Variants in KIF16B observed in about 807,000 individuals in gnomAD.
The protein encoded by KIF16B is kinesin family member 16B, also known as kinesin-like protein KIF16B.
In KIF16B, 98 loss-of-function variants were observed where a neutral mutation model predicts 156.3. The observed-to-expected ratio is 0.63, with a 90% CI of 0.53 to 0.74. The LOEUF (loss-of-function observed/expected upper bound fraction) is 0.74. KIF16B is among the 30% of genes least tolerant of loss of function. KIF16B has a pLI of 0.00. For missense variants in KIF16B, 1,421 were observed against 1,606.5 expected (o/e 0.88, Z 1.97); for synonymous variants, 564 against 583.7 (o/e 0.97, Z 0.49).
chr20:16,349,389 A>C (rs1365101716), intron 23 of KIF16B, among the ~76,000 whole-genome samples: 1 of 152,154 alleles, frequency 6.6e-6, no homozygotes, highest in Non-Finnish European at 1.5e-5. Context: ...CCATGTCATC[A>C]AGGTGATTTT....
At chr20:16,339,904 T>TA (rs1268746576) in intron 23 of KIF16B, among the ~76,000 whole-genome samples, 6 of 152,204 alleles carry the variant, frequency 3.9e-5, no homozygotes, top group African/African-American at 1.4e-4. Context: ...GCTTATAGTC[T>TA]TGCCTCCTTC....
chr20:16,411,642 G>A (rs1212133832), intron 15 of KIF16B, among the ~76,000 whole-genome samples: 1 of 152,068 alleles, frequency 6.6e-6, no homozygotes, highest in Non-Finnish European at 1.5e-5. Flanking sequence ...GTATCATGGG[G>A]AACATACTAT....
intron 22 of KIF16B, among the ~76,000 whole-genome samples, chr20:16,359,883 T>C (rs2064519115): frequency 6.6e-6 from 1 of 152,106 alleles, no homozygotes; most frequent in Non-Finnish European, 1.5e-5. Flanking sequence ...ACAGGATCCT[T>C]TGCAGAGAAG....
chr20:16,569,034 T>C (rs2071364919), intron 1 of KIF16B, among the ~76,000 whole-genome samples: 1 of 151,910 alleles, frequency 6.6e-6, no homozygotes, highest in South Asian at 2.1e-4. Context: ...GTGAATGGGA[T>C]TAGTACCCTT....
At chr20:16,538,481 AT>A (rs1319838152) in intron 1 of KIF16B, among the ~76,000 whole-genome samples, 3 of 152,202 alleles carry the variant, frequency 2.0e-5, no homozygotes, top group African/African-American at 7.2e-5. Context: ...CGAAAAGCCA[AT>A]TATGGGTCCT....
intron 25 of KIF16B, among the ~76,000 whole-genome samples, chr20:16,310,422 C>T (rs2063602102): frequency 6.6e-6 from 1 of 152,156 alleles, no homozygotes; most frequent in Admixed American, 6.5e-5. Flanking sequence ...GAATGGAAAA[C>T]CAAGGGTACC....
intron 12 of KIF16B, among the ~76,000 whole-genome samples, chr20:16,439,471 A>T (rs2066735431): frequency 6.6e-6 from 1 of 152,066 alleles, no homozygotes; most frequent in Non-Finnish European, 1.5e-5. Context: ...TTTCTACCTG[A>T]CAATCACAGC....
chr20:16,472,660 G>A (rs1267499680), intron 12 of KIF16B, among the ~76,000 whole-genome samples: 2 of 150,958 alleles, frequency 1.3e-5, no homozygotes, highest in African/African-American at 4.9e-5. Flanking sequence ...CATTATCATT[G>A]ATATCACAGC....
chr20:16,388,482 C>A (rs981335535), intron 17 of KIF16B, among the ~76,000 whole-genome samples: 2 of 152,070 alleles, frequency 1.3e-5, no homozygotes, highest in Non-Finnish European at 2.9e-5. Context: ...ATTATCATGG[C>A]CCCCCATTCT....
chr20:16,285,355 TTTCA>T (rs1221363549), intron 25 of KIF16B, among the ~76,000 whole-genome samples: 6 of 152,242 alleles, frequency 3.9e-5, no homozygotes, highest in African/African-American at 1.4e-4. Flanking sequence ...AAAGGGAACT[TTTCA>T]TTGTTTGTAC....
At chr20:16,360,882 G>A (rs909243854) in intron 22 of KIF16B, among the ~76,000 whole-genome samples, 5 of 152,138 alleles carry the variant, frequency 3.3e-5, no homozygotes, top group Admixed American at 2.0e-4. Flanking sequence ...AACAGGAAGC[G>A]GCACTTACAT....
intron 21 of KIF16B, among the ~76,000 whole-genome samples, 167 bp downstream of exon 21, chr20:16,371,498 T>C (rs2123312541): frequency 6.7e-6 from 1 of 148,180 alleles, no homozygotes; most frequent in South Asian, 2.1e-4. Flanking sequence ...GGCTGAGGCA[T>C]GAGAGTTGTT....
intron 1 of KIF16B, among the ~76,000 whole-genome samples, chr20:16,550,483 C>A (rs541776889): frequency 6.8e-6 from 1 of 146,316 alleles, no homozygotes; most frequent in Non-Finnish European, 1.5e-5. Context: ...ATATCATTTT[C>A]GTTTTTTTTC....
chr20:16,413,712 C>G (rs1256555765), intron 15 of KIF16B, among the ~76,000 whole-genome samples: 1 of 148,618 alleles, frequency 6.7e-6, no homozygotes, highest in Admixed American at 6.7e-5. Flanking sequence ...CCCTGCCCCC[C>G]ACCAACCAAA....
intron 12 of KIF16B, among the ~76,000 whole-genome samples, chr20:16,432,927 C>CAGAACCT (rs1318129523): frequency 6.6e-6 from 1 of 152,138 alleles, no homozygotes; most frequent in Non-Finnish European, 1.5e-5. Context: ...ACCTCCCATT[C>CAGAACCT]CATGGCTCAG....
chr20:16,336,434 C>T (rs2064038706), intron 23 of KIF16B, among the ~76,000 whole-genome samples: 1 of 152,120 alleles, frequency 6.6e-6, no homozygotes, highest in Non-Finnish European at 1.5e-5. Flanking sequence ...CTTTAATAGG[C>T]TAGCTGGAGT....
In KIF16B at chr20:16,497,647, C is replaced by T; in HGVS notation, c.1208G>A (p.Ser403Asn). ...IALLDSPTAL[S>N]MEEKLQQNEA... is the part of the protein sequence containing the mutation. ...ATTCTGCTGAAGTTTTTCCTCCATA[C>T]TTAAAGCTGTGGGGGAGTCTAAGAG... Residue 403 changes from serine (S) to asparagine (N), a missense_variant, in exon 11 of 26, where the codon AGT (serine) becomes AAT (asparagine). Transcript: ENST00000354981. 1.2e-6 allele frequency: 2 copies of T among 1,611,910 alleles called. No individual in the cohort carries two copies. The highest frequency in any genetic ancestry group is 8.5e-7 in the Non-Finnish European group (1 of 1,178,208).
At chr20:16,442,684 G>A (rs553862705) in intron 12 of KIF16B, among the ~76,000 whole-genome samples, 22 of 152,136 alleles carry the variant, frequency 1.4e-4, no homozygotes, top group East Asian at 5.8e-4. Flanking sequence ...TAGGGTGGGA[G>A]GAGAACCACC....
At chr20:16,488,321 G>C (rs180703218) in intron 12 of KIF16B, among the ~76,000 whole-genome samples, 1 of 152,226 alleles carries the variant, frequency 6.6e-6, no homozygotes, top group Non-Finnish European at 1.5e-5. Context: ...CCAGCTTGGC[G>C]CTGCAGTCCA....
Sources: gnomAD v4.1 joint callset for allele counts (sites outside exome capture counted in the v4.1 genomes callset) on GRCh38, gnomAD v4.1.1 for gene constraint, MANE v1.5 for transcripts, NCBI Gene and HGNC (gene_info 2026-07-23, HGNC 2026-07-21) for gene names.